Variants in AP4M1 observed in about 807,000 individuals in gnomAD.
AP4M1 encodes the protein AP-4 complex subunit mu-1.
AP4M1 carries 58 observed loss-of-function variants against 62.4 expected under a neutral mutation model. The observed-to-expected ratio is 0.93, with a 90% CI of 0.75 to 1.16. AP4M1 has a LOEUF of 1.16. AP4M1 is among the 50% of genes most tolerant of loss of function. AP4M1 has a pLI of 0.00. For synonymous variants in AP4M1, 290 were observed against 239.7 expected (o/e 1.21, Z -1.94); for missense variants, 626 against 585.4 (o/e 1.07, Z -0.72).
At chr7:100,103,368 C>T (rs1293260990) in intron 4 of AP4M1, 41 bp from the exon 5 acceptor site, 5 of 1,554,640 alleles carry the variant, frequency 3.2e-6, no homozygotes, top group Non-Finnish European at 4.4e-6. Context: ...TTTACCCCTT[C>T]CCTCCACTGA....
Position 100,107,702 on chromosome 7 carries a change from C to T in AP4M1, c.*820C>T. ...AGGCCTGGCGAGGACGCTTCACTCG[C>T]TCCCTGCCTGAACAAGTTGTTCCTG... On this transcript the variant is annotated 3_prime_UTR_variant, in exon 15 of 15. Transcript: ENST00000359593. The T allele has an allele frequency of 6.4e-7, 1 of 1,550,460 alleles. No individual in the cohort carries two copies. Among genetic ancestry groups the T allele is most frequent in the Non-Finnish European group, 8.7e-7 (1 of 1,151,196 alleles).
At chr7:100,106,327 GGAGA>G (rs1423917181) in intron 13 of AP4M1, 36 bp downstream of exon 13, 3 of 1,613,656 alleles carry the variant, frequency 1.9e-6, no homozygotes, top group Non-Finnish European at 2.5e-6. Context: ...AGATTCCTGG[GGAGA>G]GAGTGAGCTC....
At chr7:100,103,552 A>G in intron 5 of AP4M1, 33 bp downstream of exon 5, 2 of 1,613,802 alleles carry the variant, frequency 1.2e-6, no homozygotes, top group Non-Finnish European at 1.7e-6. Context: ...GTGAGGAAAG[A>G]GAAGAGGGGT....
In AP4M1 at chr7:100,107,868, G is replaced by T; in HGVS notation, c.*986G>T. The T allele has an allele frequency of 1.3e-6, 2 of 1,550,526 alleles. No homozygotes were observed. The highest frequency in any genetic ancestry group is 2.5e-5 in the South Asian group (2 of 80,878). On this transcript the variant is annotated 3_prime_UTR_variant, in exon 15 of 15. Coordinates refer to ENST00000359593, the MANE Select transcript of AP4M1 (RefSeq NM_004722.4). ...TGTGCTCTACTCCTGGGCCTCCCCAGGGTGCTCTGAGGTAACCCAGGCCCT... is the reference window on the plus strand; with the variant it reads ...TGTGCTCTACTCCTGGGCCTCCCCATGGTGCTCTGAGGTAACCCAGGCCCT...
chr7:100,102,142 A>G (rs1156631002), intron 2 of AP4M1, 174 bp downstream of exon 2: 2 of 720,324 alleles, frequency 2.8e-6, no homozygotes, highest in Non-Finnish European at 4.8e-6. Context: ...GCACTTTGGG[A>G]GACCGAGGCG....
intron 7 of AP4M1, 24 bp downstream of exon 7, chr7:100,104,178 G>C: frequency 6.2e-7 from 1 of 1,608,076 alleles, no homozygotes; most frequent in Non-Finnish European, 8.5e-7. Context: ...CCCAAACCTG[G>C]AGCTGAGGAC....
intron 2 of AP4M1, 116 bp downstream of exon 2, chr7:100,102,084 A>G (rs1796091171): frequency 1.6e-6 from 2 of 1,229,070 alleles, no homozygotes; most frequent in South Asian, 1.3e-5. Flanking sequence ...ATTCCGCCAA[A>G]TAAAGCTAAC....
intron 2 of AP4M1, chr7:100,102,242 A>G (rs1227784825): frequency 1.4e-5 from 8 of 560,340 alleles, no homozygotes; most frequent in Non-Finnish European, 2.6e-5. Context: ...AAAAAAAAAC[A>G]TAGCTGGGCG....
Position 100,102,889 on chromosome 7 carries a change from T to G in AP4M1, c.280T>G (p.Cys94Gly). The G allele has an allele frequency of 6.2e-7, 1 of 1,614,132 alleles. No individual in the cohort carries two copies. The highest frequency in any genetic ancestry group is 8.5e-7 in the Non-Finnish European group (1 of 1,180,018). ...SRLATLLGDY[C>G]GSLGEGTISR... ...GTTGGCCACCCTTCTGGGCGATTACTGTGGCTCCCTGGGCGAGGGGACCAT... is the reference window on the plus strand; with the variant it reads ...GTTGGCCACCCTTCTGGGCGATTACGGTGGCTCCCTGGGCGAGGGGACCAT... Residue 94 changes from cysteine to glycine, a missense_variant, in exon 4 of 15, where the codon TGT becomes GGT. Physicochemically the swap from Cys to Gly is radical, Grantham distance 159. Coordinates refer to ENST00000359593, the MANE Select transcript of AP4M1 (RefSeq NM_004722.4).
At position 100,102,668 on chromosome 7, in the gene AP4M1, G is replaced by A. The variant is rs773330001; in HGVS notation, c.148-7G>A. 1.2e-6 allele frequency: 2 copies of A among 1,613,624 alleles called. No homozygotes were observed. The highest frequency in any genetic ancestry group is 1.7e-6 in the Non-Finnish European group (2 of 1,179,676). On this transcript the variant is annotated splice_region_variant and splice_polypyrimidine_tract_variant and intron_variant, in intron 2 of 14. Transcript: ENST00000359593. ...TAACGCCTCTCTTCTCCCTGCCTGT[G>A]TCTCAGCATCACCATGGCCGTCATT...
rs1388864985 is a variant in AP4M1 at position 100,107,793 on chromosome 7, G to A, written c.*911G>A. 1 of 1,385,806 alleles carries A rather than the reference G, an allele frequency of 7.2e-7. No homozygotes were observed. 85.8% of individuals were successfully genotyped at this position (1,385,806 alleles called of 1,614,324 possible). A position where few individuals can be genotyped will look rare whatever the true frequency, so the allele number is the denominator to read the frequency against. On this transcript the variant is annotated 3_prime_UTR_variant, in exon 15 of 15. Coordinates refer to ENST00000359593, the MANE Select transcript of AP4M1 (RefSeq NM_004722.4). The stretch of plus-strand genomic sequence containing the variant: ...ATGCAGGGCAGCTACAGCCCTGCAG[G>A]ACCCTGGTGGGCGCCTCTTCCAGCT...
At chr7:100,104,643 C>T (rs1226466368) in intron 7 of AP4M1, among the ~76,000 whole-genome samples, 1 of 152,132 alleles carries the variant, frequency 6.6e-6, no homozygotes, top group African/African-American at 2.4e-5. Context: ...CCAGCCTGGC[C>T]AACACAGTGA....
In AP4M1 at chr7:100,106,894, C is replaced by T. The variant is rs780143939; in HGVS notation, c.*12C>T. 7 of 1,610,022 alleles carry T rather than the reference C, an allele frequency of 4.3e-6. No homozygotes were observed. The highest frequency in any genetic ancestry group is 2.2e-5 in the South Asian group (2 of 90,962). On this transcript the variant is annotated 3_prime_UTR_variant, in exon 15 of 15. Coordinates refer to ENST00000359593, the MANE Select transcript of AP4M1 (RefSeq NM_004722.4). The stretch of plus-strand genomic sequence containing the variant: ...TCATTCGGATCTGAGGCTCCCCAAA[C>T]GAGGACACGACGGCCAAGGTGGCAG...
rs769502788 is a variant in AP4M1 at position 100,105,263 on chromosome 7, G to A, written c.751G>A (p.Asp251Asn). The A allele has an allele frequency of 3.3e-5, 54 of 1,614,034 alleles. No individual in the cohort carries two copies. The highest frequency in any genetic ancestry group is 4.3e-5 in the Non-Finnish European group (51 of 1,180,048). The change falls in exon 10 of 15, where the codon GAT becomes AAT. Residue 251 changes from aspartate (D) to asparagine (N), a missense_variant. Physicochemically the swap from Asp to Asn is conservative, Grantham distance 23 (BLOSUM62 1). Coordinates refer to ENST00000359593, the MANE Select transcript of AP4M1 (RefSeq NM_004722.4). Reference protein sequence around the residue: ...LRGYGPGIRVDEVSFHSSVNL... With the variant: ...LRGYGPGIRVNEVSFHSSVNL... ...AGGTTATGGGCCAGGAATCCGGGTC[G>A]ATGAAGTCTCGTTTCACAGCTCTGT...
intron 12 of AP4M1, 76 bp from the exon 13 acceptor site, chr7:100,106,165 T>C: frequency 1.3e-6 from 2 of 1,582,678 alleles, no homozygotes; most frequent in Non-Finnish European, 1.7e-6. Flanking sequence ...GCTGAAATCC[T>C]GTTATGACAT....
At chr7:100,102,416 A>C (rs1796125395) in intron 2 of AP4M1, 2 of 442,412 alleles carry the variant, frequency 4.5e-6, no homozygotes, top group Admixed American at 4.4e-5. Context: ...GGGGAAAAAA[A>C]AAAAAAGAGT....
At chr7:100,106,063 C>A (rs1011647161) in intron 12 of AP4M1, 60 bp downstream of exon 12, 2 of 1,593,520 alleles carry the variant, frequency 1.3e-6, no homozygotes, top group Non-Finnish European at 1.7e-6. Flanking sequence ...AGGGCCAGGG[C>A]ACCTGCTGCT....
At chr7:100,103,737 G>T in intron 6 of AP4M1, 45 bp downstream of exon 6, 1 of 1,593,784 alleles carries the variant, frequency 6.3e-7, no homozygotes, top group Non-Finnish European at 8.5e-7. Flanking sequence ...TTTTGCTCTG[G>T]GATCCGGGAG....
At position 100,108,531 on chromosome 7, in the gene AP4M1, C is replaced by T. The variant is rs1796812559; in HGVS notation, c.*1649C>T. The stretch of plus-strand genomic sequence containing the variant: ...GGGCGCAGCTTTGCCAGAACAGGAG[C>T]ACAGTGTTTCTGCAGAACAGAAAAA... On this transcript the variant is annotated 3_prime_UTR_variant, in exon 15 of 15. Coordinates refer to ENST00000359593, the MANE Select transcript of AP4M1 (RefSeq NM_004722.4). 6.2e-7 allele frequency: 1 copy of T among 1,607,432 alleles called. No individual in the cohort carries two copies. Among genetic ancestry groups the T allele is most frequent in the African/African-American group, 1.3e-5 (1 of 74,744 alleles).
Sources: gnomAD v4.1 joint callset for allele counts (sites outside exome capture counted in the v4.1 genomes callset) on GRCh38, gnomAD v4.1.1 for gene constraint, MANE v1.5 for transcripts, NCBI Gene and HGNC (gene_info 2026-07-23, HGNC 2026-07-21) for gene names.